XRCC4: variants seen among roughly 807,000 people sequenced by gnomAD.
The protein encoded by XRCC4 is DNA repair protein XRCC4.
In XRCC4, 28 loss-of-function variants were observed where a neutral mutation model predicts 39.1. The observed-to-expected ratio is 0.72, with a 90% CI of 0.53 to 0.98. The LOEUF is 0.98. Ranked by LOEUF, XRCC4 falls within the 50% of genes least tolerant of loss-of-function variation. XRCC4 has a pLI of 0.00. For synonymous variants in XRCC4, 123 were observed against 126.4 expected (o/e 0.97, Z 0.18); for missense variants, 350 against 376.4 (o/e 0.93, Z 0.58).
At chr5:83,136,240 TC>T (rs1747891183) in intron 3 of XRCC4, among the ~76,000 whole-genome samples, 1 of 152,206 alleles carries the variant, frequency 6.6e-6, no homozygotes, top group African/African-American at 2.4e-5. Context: ...AAATACATCA[TC>T]TTGTCTTTAG....
intron 7 of XRCC4, among the ~76,000 whole-genome samples, chr5:83,272,219 T>A (rs950448834): frequency 2.0e-5 from 3 of 152,182 alleles, no homozygotes; most frequent in African/African-American, 7.2e-5. Flanking sequence ...TGTATAATAT[T>A]GTTGTCACAT....
At chr5:83,262,836 G>C (rs1753805366) in intron 7 of XRCC4, among the ~76,000 whole-genome samples, 1 of 109,700 alleles carries the variant, frequency 9.1e-6, no homozygotes, top group African/African-American at 3.8e-5. Flanking sequence ...TCTTATCACA[G>C]TCTTTTTTTT....
intron 3 of XRCC4, among the ~76,000 whole-genome samples, chr5:83,115,206 T>A (rs941931436): frequency 1.3e-5 from 2 of 152,084 alleles, no homozygotes; most frequent in Non-Finnish European, 2.9e-5. Context: ...GATGGGCGGA[T>A]CACCTGAGGT....
intron 1 of XRCC4, among the ~76,000 whole-genome samples, chr5:83,082,867 A>G (rs540957393): frequency 1.1e-3 from 168 of 152,076 alleles, no homozygotes; most frequent in Middle Eastern, 6.8e-3. Context: ...GTCTCCCATT[A>G]CCTCTCTGAC....
intron 1 of XRCC4, among the ~76,000 whole-genome samples, chr5:83,103,207 G>A (rs10071617): frequency 0.48 from 73,088 of 150,784 alleles, 18,503 homozygotes; most frequent in African/African-American, 0.62. Context: ...TTTGGGAAGG[G>A]CAAGATTAGG....
chr5:83,207,103 A>G (rs1751450973), intron 6 of XRCC4, among the ~76,000 whole-genome samples: 1 of 152,162 alleles, frequency 6.6e-6, no homozygotes, highest in South Asian at 2.1e-4. Flanking sequence ...TAATAATCAA[A>G]TAGAGAAAAA....
chr5:83,263,653 G>A (rs1417167327), intron 7 of XRCC4, among the ~76,000 whole-genome samples: 30 of 151,416 alleles, frequency 2.0e-4, no homozygotes, highest in African/African-American at 7.3e-4. Flanking sequence ...CTTTTGAGAA[G>A]TGTCTGTTCA....
intron 3 of XRCC4, among the ~76,000 whole-genome samples, chr5:83,165,582 T>C (rs1195247502): frequency 6.6e-6 from 1 of 152,142 alleles, no homozygotes; most frequent in Admixed American, 6.5e-5. Flanking sequence ...CACCCATGTA[T>C]TAAGCCTAGT....
At chr5:83,320,819 T>TA (rs1756045220) in intron 7 of XRCC4, among the ~76,000 whole-genome samples, 1 of 147,300 alleles carries the variant, frequency 6.8e-6, no homozygotes, top group Non-Finnish European at 1.5e-5. Flanking sequence ...TTTTTTTTTT[T>TA]TTTTTTTTTT....
chr5:83,335,243 T>G (rs1259298933), intron 7 of XRCC4, among the ~76,000 whole-genome samples: 2 of 151,878 alleles, frequency 1.3e-5, no homozygotes, highest in Non-Finnish European at 2.9e-5. Context: ...AACTTTTTCC[T>G]TAAATATATG....
At chr5:83,080,931 T>A (rs1052229610) in intron 1 of XRCC4, among the ~76,000 whole-genome samples, 4 of 152,208 alleles carry the variant, frequency 2.6e-5, no homozygotes, top group African/African-American at 9.7e-5. Context: ...TCTGTAAAAT[T>A]GTGAATAAGC....
intron 6 of XRCC4, among the ~76,000 whole-genome samples, chr5:83,222,204 C>G (rs1423179757): frequency 6.6e-6 from 1 of 151,840 alleles, no homozygotes; most frequent in Non-Finnish European, 1.5e-5. Flanking sequence ...GTTAGATCTA[C>G]TAAGATTCTA....
At chr5:83,312,028 T>C (rs1755725532) in intron 7 of XRCC4, among the ~76,000 whole-genome samples, 1 of 152,148 alleles carries the variant, frequency 6.6e-6, no homozygotes, top group South Asian at 2.1e-4. Context: ...TAAAGGGGCC[T>C]GGGAACATAT....
chr5:83,097,507 T>C (rs1323008241), intron 1 of XRCC4, among the ~76,000 whole-genome samples: 3 of 151,966 alleles, frequency 2.0e-5, no homozygotes, highest in African/African-American at 7.3e-5. Context: ...TTATTCCTTT[T>C]TCACACAAGT....
At chr5:83,363,488 A>G in the XRCC4 span, among the ~76,000 whole-genome samples, 1 of 152,140 alleles carries the variant, frequency 6.6e-6, no homozygotes, top group Non-Finnish European at 1.5e-5. Context: ...AGGCACAACC[A>G]CACGCACTCA....
intron 3 of XRCC4, among the ~76,000 whole-genome samples, chr5:83,144,000 T>C (rs1487206115): frequency 1.3e-5 from 2 of 152,082 alleles, no homozygotes; most frequent in Non-Finnish European, 2.9e-5. Flanking sequence ...AATGTACCAG[T>C]TCCCTAATTA....
chr5:83,223,380 A>G (rs1752160905), intron 6 of XRCC4, among the ~76,000 whole-genome samples: 1 of 152,002 alleles, frequency 6.6e-6, no homozygotes, highest in South Asian at 2.1e-4. Flanking sequence ...TGCTCTATAT[A>G]TTTGGGTGCT....
At chr5:83,199,445 C>G (rs1193134855) in intron 4 of XRCC4, among the ~76,000 whole-genome samples, 1 of 152,110 alleles carries the variant, frequency 6.6e-6, no homozygotes, top group African/African-American at 2.4e-5. Context: ...TCTTTGTCTT[C>G]CCAACTCTAT....
chr5:83,257,318 A>G (rs377761061), intron 6 of XRCC4, among the ~76,000 whole-genome samples: 1 of 151,508 alleles, frequency 6.6e-6, no homozygotes, highest in African/African-American at 2.4e-5. Flanking sequence ...TCCAGAATCT[A>G]CACAGAACTT....
Sources: gnomAD v4.1 joint callset for allele counts (sites outside exome capture counted in the v4.1 genomes callset) on GRCh38, gnomAD v4.1.1 for gene constraint, MANE v1.5 for transcripts, NCBI Gene and HGNC (gene_info 2026-07-23, HGNC 2026-07-21) for gene names.